The following WASF3 variants were observed in gnomAD, a reference collection of about 807,000 sequenced individuals.
The protein encoded by WASF3 is WASP family member 3.
In WASF3, 11 loss-of-function variants were observed where a neutral mutation model predicts 46.6. The observed-to-expected ratio is 0.24, with a 90% CI of 0.15 to 0.39. The LOEUF is 0.39. Among genes scored for constraint, WASF3 ranks in the 10% least tolerant of loss-of-function variants. WASF3 has a pLI of 1.00. For missense variants in WASF3, 576 were observed against 669.8 expected (o/e 0.86, Z 1.55); for synonymous variants, 242 against 259.7 (o/e 0.93, Z 0.65).
At chr13:26,569,653 G>C (rs1048047346) in intron 1 of WASF3, among the ~76,000 whole-genome samples, 3 of 152,120 alleles carry the variant, frequency 2.0e-5, no homozygotes, top group Non-Finnish European at 1.5e-5. Flanking sequence ...TCAATTTTAA[G>C]AAGTTAGAAA....
At chr13:26,671,783 T>C in intron 5 of WASF3, 89 bp from the exon 6 acceptor site, 1 of 842,066 alleles carries the variant, frequency 1.2e-6, no homozygotes, top group Non-Finnish European at 1.9e-6. Context: ...TGTTATAATT[T>C]CATGAGTTCA....
At chr13:26,584,752 T>C (rs1313353379) in intron 1 of WASF3, among the ~76,000 whole-genome samples, 1 of 152,232 alleles carries the variant, frequency 6.6e-6, no homozygotes, top group African/African-American at 2.4e-5. Flanking sequence ...TCAGAAATTT[T>C]AGTTGCTCGT....
intron 2 of WASF3, among the ~76,000 whole-genome samples, chr13:26,627,223 TATAAA>T (rs1942726018): frequency 6.6e-6 from 1 of 152,148 alleles, no homozygotes; most frequent in Non-Finnish European, 1.5e-5. Flanking sequence ...ATTTTGGTAA[TATAAA>T]ATTAATTAAA....
At chr13:26,561,274 T>G (rs1879286771) in intron 1 of WASF3, among the ~76,000 whole-genome samples, 1 of 151,872 alleles carries the variant, frequency 6.6e-6, no homozygotes, top group South Asian at 2.1e-4. Context: ...AGGGAAGGCT[T>G]GAAGCAGGGA....
chr13:26,651,331 A>G (rs182468553), intron 3 of WASF3, among the ~76,000 whole-genome samples: 5 of 152,154 alleles, frequency 3.3e-5, no homozygotes, highest in Admixed American at 1.3e-4. Flanking sequence ...AACACAAAAA[A>G]CAAAAACCAA....
intron 2 of WASF3, among the ~76,000 whole-genome samples, chr13:26,623,685 C>A (rs1027987153): frequency 1.3e-5 from 2 of 152,112 alleles, no homozygotes; most frequent in African/African-American, 4.8e-5. Flanking sequence ...ACTCTGAGGT[C>A]CAGGTATATG....
intron 7 of WASF3, 141 bp downstream of exon 7, chr13:26,676,865 A>G (rs1883084057): frequency 1.3e-6 from 1 of 792,530 alleles, no homozygotes; most frequent in Non-Finnish European, 1.9e-6. Flanking sequence ...AAAATTGTTT[A>G]TCTGTATTTT....
intron 9 of WASF3, 77 bp downstream of exon 9, chr13:26,683,051 T>G: frequency 1.3e-6 from 2 of 1,527,962 alleles, no homozygotes; most frequent in Admixed American, 2.1e-5. Context: ...TACAGCCTCC[T>G]TGTCTTCAAA....
chr13:26,638,847 A>G (rs566634390), intron 2 of WASF3: 6 of 152,300 alleles, frequency 3.9e-5, no homozygotes, highest in African/African-American at 1.4e-4. Flanking sequence ...TGAATAGATT[A>G]GTGCTTTCCC....
intron 1 of WASF3, among the ~76,000 whole-genome samples, chr13:26,561,147 C>G (rs1879282925): frequency 6.6e-6 from 1 of 152,030 alleles, no homozygotes; most frequent in Non-Finnish European, 1.5e-5. Context: ...CTTGTGGGGT[C>G]TTGTGATTAC....
chr13:26,561,162 G>A (rs1042934065), intron 1 of WASF3, among the ~76,000 whole-genome samples: 1 of 152,154 alleles, frequency 6.6e-6, no homozygotes, highest in Admixed American at 6.5e-5. Context: ...GATTACTGTT[G>A]TGTGGAGTTC....
chr13:26,688,185 T>G lies in WASF3; in HGVS notation c.*2340T>G, dbSNP rs1332468025. 2 of 152,204 alleles carry G rather than the reference T, an allele frequency of 1.3e-5. No individual in the cohort carries two copies. Among genetic ancestry groups the G allele is most frequent in the Non-Finnish European group, 2.9e-5 (2 of 68,026 alleles). The allele number at this position is 152,204 out of a possible 1,614,324, so 9.4% of individuals were successfully genotyped here. ...TTTTTCCAGCAAATTCAATTTATTC[T>G]GAAATTTAAATCCAGATCTTTTCTA... On this transcript the variant is annotated 3_prime_UTR_variant, in exon 10 of 10. Coordinates refer to ENST00000335327, the MANE Select transcript of WASF3 (RefSeq NM_006646.6).
chr13:26,559,788 T>TTTTCTTTCTTTCTTTCTTTCTTTC (rs1555246392), intron 1 of WASF3, among the ~76,000 whole-genome samples: 1 of 80,508 alleles, frequency 1.2e-5, no homozygotes, highest in African/African-American at 4.9e-5. Context: ...TTTTCTTTTC[T>TTTTCTTTCTTTCTTTCTTTCTTTC]TTTCTTTCTT....
chr13:26,543,033 G>A, the WASF3 span, among the ~76,000 whole-genome samples: 1 of 152,102 alleles, frequency 6.6e-6, no homozygotes, highest in Non-Finnish European at 1.5e-5. Flanking sequence ...ACATGATGGA[G>A]GGTAGTGCAG....
chr13:26,643,021 C>T (rs1003699595), intron 3 of WASF3, among the ~76,000 whole-genome samples: 1 of 152,156 alleles, frequency 6.6e-6, no homozygotes, highest in Admixed American at 6.5e-5. Flanking sequence ...ATGGCAAATG[C>T]AAGCTAGGAA....
At chr13:26,542,710 G>A in the WASF3 span, among the ~76,000 whole-genome samples, 2 of 152,124 alleles carry the variant, frequency 1.3e-5, no homozygotes, top group Admixed American at 6.5e-5. Flanking sequence ...ATCTGAAAAC[G>A]AGAGTTCAAT....
intron 1 of WASF3, among the ~76,000 whole-genome samples, chr13:26,568,157 A>G (rs1422593586): frequency 6.6e-6 from 1 of 152,100 alleles, no homozygotes; most frequent in Non-Finnish European, 1.5e-5. Context: ...TCTGAGTGAG[A>G]TGAAAAACCA....
chr13:26,597,209 T>G (rs1880495123), intron 1 of WASF3, among the ~76,000 whole-genome samples: 1 of 152,214 alleles, frequency 6.6e-6, no homozygotes, highest in South Asian at 2.1e-4. Flanking sequence ...CTCATCCCAC[T>G]GCAACCTCTG....
At chr13:26,541,833 C>T in the WASF3 span, among the ~76,000 whole-genome samples, 3 of 152,182 alleles carry the variant, frequency 2.0e-5, no homozygotes, top group Non-Finnish European at 4.4e-5. Context: ...ATCCTTCCCT[C>T]AAACCTCTCT....
Sources: gnomAD v4.1 joint callset for allele counts (sites outside exome capture counted in the v4.1 genomes callset) on GRCh38, gnomAD v4.1.1 for gene constraint, MANE v1.5 for transcripts, NCBI Gene and HGNC (gene_info 2026-07-23, HGNC 2026-07-21) for gene names.